Variants in AK9 observed in about 807,000 individuals in gnomAD.
The protein encoded by AK9 is adenylate kinase 9.
A neutral mutation model predicts 239.6 loss-of-function variants in AK9; 191 were observed. That is an observed-to-expected ratio of 0.80 (90% CI 0.71 to 0.90). AK9 has a LOEUF of 0.90. Among genes scored for constraint, AK9 ranks in the 40% least tolerant of loss-of-function variants. The probability of loss-of-function intolerance (pLI) is 0.00; values close to 1 mark genes in which losing one functional copy is unlikely to be tolerated. For missense variants in AK9, 1,995 were observed against 2,214.7 expected, an observed-to-expected ratio of 0.90 and a Z score of 1.99; for synonymous variants, 689 against 721.0, an observed-to-expected ratio of 0.96 and a Z score of 0.71.
At chr6:109,527,788 G>A (rs772347325) in intron 29 of AK9, 4 of 152,056 alleles carry the variant, frequency 2.6e-5, no homozygotes, top group South Asian at 2.1e-4. Flanking sequence ...TTGAATTTCC[G>A]AATGAAAAAT....
rs145198039 is a variant in AK9, at chr6:109,568,272, C to T, written c.2345-3427G>A. Among the ~76,000 whole-genome samples, 132 of 152,196 alleles carry T rather than the reference C, an allele frequency of 8.7e-4. 3 individuals are homozygous for T. In the East Asian group the frequency reaches 0.018, roughly 21 times the overall value. Reference sequence around the variant, plus strand: ...CTCAATAAACTAGTTATTGATGAGACGTATCTAAAAATAAAAAGAGCTATC... The same window carrying T: ...CTCAATAAACTAGTTATTGATGAGATGTATCTAAAAATAAAAAGAGCTATC... On this transcript the variant is annotated intron_variant, in intron 21 of 40. Coordinates refer to ENST00000424296, the MANE Select transcript of AK9 (RefSeq NM_001145128.3).
chr6:109,498,358 C>T (rs1317032797), intron 36 of AK9, among the ~76,000 whole-genome samples: 4 of 152,214 alleles, frequency 2.6e-5, no homozygotes, highest in South Asian at 2.1e-4. Flanking sequence ...AGGGGGTGGG[C>T]CAGATACATG....
chr6:109,636,562 C>T (rs918211815), intron 10 of AK9, among the ~76,000 whole-genome samples: 2 of 151,168 alleles, frequency 1.3e-5, no homozygotes, highest in Non-Finnish European at 2.9e-5. Flanking sequence ...AACTCTCCTT[C>T]CCCCCAGCCC....
At chr6:109,683,229 G>A (rs890863206) in intron 1 of AK9, among the ~76,000 whole-genome samples, 11 of 152,098 alleles carry the variant, frequency 7.2e-5, no homozygotes, top group African/African-American at 2.7e-4. Flanking sequence ...CAATAAACTA[G>A]GTATCAATGG....
intron 21 of AK9, among the ~76,000 whole-genome samples, chr6:109,568,520 T>C (rs944522891): frequency 6.6e-6 from 1 of 152,226 alleles, no homozygotes; most frequent in East Asian, 1.9e-4. Flanking sequence ...GATTGTATAT[T>C]TAGAAAACCC....
chr6:109,518,383 G>T (rs1041716926), intron 29 of AK9, among the ~76,000 whole-genome samples: 1 of 151,974 alleles, frequency 6.6e-6, no homozygotes, highest in Non-Finnish European at 1.5e-5. Flanking sequence ...AAGGATCTTT[G>T]CAAGTATAGT....
chr6:109,563,732 T>A lies in AK9; in HGVS notation c.2636-20A>T. ...ATGGTTCTGGAGAAAAAGAGAATCA[T>A]TGGGGAAAATATTTTTAGTAAAAAA... On this transcript the variant is annotated intron_variant, in intron 23 of 40. Transcript: ENST00000424296. The A allele has an allele frequency of 1.3e-6, 2 of 1,540,056 alleles. No individual in the cohort carries two copies. The highest frequency in any genetic ancestry group is 1.8e-6 in the Non-Finnish European group (2 of 1,141,468).
intron 29 of AK9, among the ~76,000 whole-genome samples, chr6:109,521,629 G>A (rs2128122889): frequency 6.6e-6 from 1 of 152,152 alleles, no homozygotes; most frequent in Admixed American, 6.5e-5. Context: ...GCATTTGATT[G>A]ATTCTGAATA....
chr6:109,496,788 T>A (rs1167072816), intron 38 of AK9, among the ~76,000 whole-genome samples: 1 of 152,180 alleles, frequency 6.6e-6, no homozygotes, highest in Non-Finnish European at 1.5e-5. Flanking sequence ...GGCAGCCTCA[T>A]CACTGGTAGT....
intron 33 of AK9, among the ~76,000 whole-genome samples, chr6:109,507,729 A>C (rs1778256885): frequency 6.6e-6 from 1 of 152,172 alleles, no homozygotes; most frequent in Non-Finnish European, 1.5e-5. Context: ...TCCAGCTGTT[A>C]AAGCAAACTA....
At chr6:109,600,264 T>C (rs945586604) in intron 17 of AK9, among the ~76,000 whole-genome samples, 1 of 152,200 alleles carries the variant, frequency 6.6e-6, no homozygotes, top group Non-Finnish European at 1.5e-5. Context: ...CAATACCTAA[T>C]TTATTGAGAG....
At chr6:109,515,294 G>A (rs1225644347) in intron 31 of AK9, among the ~76,000 whole-genome samples, 5 of 152,132 alleles carry the variant, frequency 3.3e-5, no homozygotes, top group Non-Finnish European at 7.3e-5. Context: ...TAAACATTAA[G>A]AGCTATCATG....
At position 109,499,049 on chromosome 6, in the gene AK9, GT is replaced by G; in HGVS notation, c.5040del (p.Lys1680AsnfsTer2). The G allele has an allele frequency of 6.6e-7, 1 of 1,508,324 alleles. No individual in the cohort carries two copies. 93.4% of individuals were successfully genotyped at this position (1,508,324 alleles called of 1,614,324 possible). A position where few individuals can be genotyped will look rare whatever the true frequency, so the allele number is the denominator to read the frequency against. Reference protein sequence around the residue: ...GHYYKMSSQEKLNKFLENPEL... With the variant: ...GHYYKMSSQEXLNKFLENPEL... ...GGAGTTAGGAACAAACTTACATTCAGTTTTTCCTGAGAACTCATTTTATAGT... is the reference window on the plus strand; with the variant it reads ...GGAGTTAGGAACAAACTTACATTCAGTTTTCCTGAGAACTCATTTTATAGT... On this transcript the variant is annotated frameshift_variant, in exon 36 of 41. Transcript: ENST00000424296. LOFTEE classifies it high-confidence loss of function.
intron 6 of AK9, 43 bp downstream of exon 6, chr6:109,662,508 A>G: frequency 7.3e-7 from 1 of 1,370,742 alleles, no homozygotes. Flanking sequence ...CTACTATCAA[A>G]AAGAATGGTT....
chr6:109,645,928 G>C (rs763509948), intron 8 of AK9, among the ~76,000 whole-genome samples: 3 of 152,204 alleles, frequency 2.0e-5, no homozygotes, highest in Admixed American at 6.5e-5. Flanking sequence ...GCGTTCGCTG[G>C]TGATACCCAG....
intron 12 of AK9, among the ~76,000 whole-genome samples, chr6:109,622,586 T>C (rs190226541): frequency 3.4e-5 from 5 of 146,122 alleles, no homozygotes; most frequent in African/African-American, 1.2e-4. Context: ...ATATGCATAG[T>C]ATGCTATATA....
chr6:109,676,236 T>C (rs1771738890), intron 1 of AK9, among the ~76,000 whole-genome samples: 1 of 152,106 alleles, frequency 6.6e-6, no homozygotes, highest in South Asian at 2.1e-4. Context: ...ATTTTTTCTT[T>C]TGTAATATTT....
chr6:109,629,320 AGCAAAG>A (rs1795873076), intron 12 of AK9, among the ~76,000 whole-genome samples: 2 of 152,158 alleles, frequency 1.3e-5, no homozygotes, highest in Non-Finnish European at 1.5e-5. Flanking sequence ...CTAAAACATA[AGCAAAG>A]GCCTATTACA....
chr6:109,674,127 T>A (rs1771345804), intron 3 of AK9, 71 bp downstream of exon 3: 2 of 1,302,846 alleles, frequency 1.5e-6, no homozygotes, highest in Non-Finnish European at 2.1e-6. Context: ...ATTCACTGTA[T>A]AATTATCTCC....
Sources: gnomAD v4.1 joint callset for allele counts (sites outside exome capture counted in the v4.1 genomes callset) on GRCh38, gnomAD v4.1.1 for gene constraint, MANE v1.5 for transcripts, NCBI Gene and HGNC (gene_info 2026-07-23, HGNC 2026-07-21) for gene names.